Variants in PRKAG2 observed in about 807,000 individuals in gnomAD.
The protein encoded by PRKAG2 is 5'-AMP-activated protein kinase subunit gamma-2.
In PRKAG2, 26 loss-of-function variants were observed where a neutral mutation model predicts 69.6. The ratio of observed to expected loss-of-function variants is 0.37; its 90% CI spans 0.27 to 0.52. PRKAG2 has a LOEUF of 0.52. Ranked by LOEUF, PRKAG2 falls within the 20% of genes least tolerant of loss-of-function variation. The probability of loss-of-function intolerance (pLI) is 0.90; values close to 1 mark genes in which losing one functional copy is unlikely to be tolerated. For missense variants in PRKAG2, 557 were observed against 740.0 expected (o/e 0.75, Z 2.87); for synonymous variants, 293 against 285.0 (o/e 1.03, Z -0.28).
At chr7:151,796,135 C>T (rs1378048851) in intron 1 of PRKAG2, among the ~76,000 whole-genome samples, 1 of 151,984 alleles carries the variant, frequency 6.6e-6, no homozygotes, top group Non-Finnish European at 1.5e-5. Flanking sequence ...CCCTAGGCCC[C>T]CTCACCCGAG....
intron 5 of PRKAG2, among the ~76,000 whole-genome samples, chr7:151,596,020 T>C (rs1563215515): frequency 6.7e-6 from 1 of 149,094 alleles, no homozygotes; most frequent in Non-Finnish European, 1.5e-5. Context: ...ACTAATAAAA[T>C]AAAATAAAAA....
intron 3 of PRKAG2, among the ~76,000 whole-genome samples, chr7:151,767,988 CAGG>C (rs1279705252): frequency 6.6e-6 from 1 of 152,168 alleles, no homozygotes; most frequent in African/African-American, 2.4e-5. Flanking sequence ...TGAGGTAGGG[CAGG>C]AGAAGCAGCA....
chr7:151,628,326 GT>G (rs1823526769), intron 5 of PRKAG2, among the ~76,000 whole-genome samples: 1 of 152,228 alleles, frequency 6.6e-6, no homozygotes, highest in African/African-American at 2.4e-5. Context: ...GTCCTGGCCA[GT>G]AAGTTAGTTC....
At chr7:151,625,563 C>A (rs956243028) in intron 5 of PRKAG2, among the ~76,000 whole-genome samples, 25 of 152,098 alleles carry the variant, frequency 1.6e-4, no homozygotes, top group African/African-American at 5.1e-4. Flanking sequence ...TTGGAGGGGG[C>A]AGAGCAGGTG....
At chr7:151,697,377 G>A (rs188413546) in intron 3 of PRKAG2, among the ~76,000 whole-genome samples, 22 of 152,222 alleles carry the variant, frequency 1.4e-4, no homozygotes, top group Admixed American at 4.6e-4. Context: ...CATTCCCCAG[G>A]GGTGTAGAGA....
At chr7:151,710,399 C>G (rs985656380) in intron 3 of PRKAG2, among the ~76,000 whole-genome samples, 3 of 152,192 alleles carry the variant, frequency 2.0e-5, no homozygotes, top group Admixed American at 1.3e-4. Flanking sequence ...ACAAAAGACT[C>G]CCCTCCCCTT....
At chr7:151,631,326 G>A (rs1052406539) in intron 5 of PRKAG2, among the ~76,000 whole-genome samples, 3 of 152,212 alleles carry the variant, frequency 2.0e-5, no homozygotes, top group African/African-American at 7.2e-5. Flanking sequence ...GTAAGAGCAA[G>A]CTCATCCCGT....
chr7:151,625,186 G>C (rs4726066), intron 5 of PRKAG2, among the ~76,000 whole-genome samples: 1 of 152,128 alleles, frequency 6.6e-6, no homozygotes, highest in Non-Finnish European at 1.5e-5. Context: ...AGTCTTCATC[G>C]GGGCTTCTGG....
chr7:151,857,587 G>A (rs1027127886), intron 1 of PRKAG2, among the ~76,000 whole-genome samples: 11 of 152,120 alleles, frequency 7.2e-5, no homozygotes, highest in Non-Finnish European at 1.3e-4. Context: ...CTTGATGCCC[G>A]GCTGTGCCAC....
intron 3 of PRKAG2, among the ~76,000 whole-genome samples, chr7:151,753,787 A>C (rs1340445202): frequency 2.0e-5 from 3 of 151,928 alleles, no homozygotes; most frequent in Non-Finnish European, 4.4e-5. Context: ...TGATCCCAGC[A>C]CTTTGGGAGG....
intron 4 of PRKAG2, among the ~76,000 whole-genome samples, chr7:151,670,898 G>C (rs55914012): frequency 1.3e-5 from 2 of 148,516 alleles, no homozygotes; most frequent in African/African-American, 2.6e-5. Flanking sequence ...TTGGCCGCGC[G>C]TGGTTGGCTC....
At chr7:151,783,327 CT>C (rs935259125) in intron 2 of PRKAG2, among the ~76,000 whole-genome samples, 26 of 152,094 alleles carry the variant, frequency 1.7e-4, no homozygotes, top group African/African-American at 6.3e-4. Flanking sequence ...TTGAGTTTTT[CT>C]TTTTTTGTGT....
chr7:151,704,841 A>G (rs1838325244), intron 3 of PRKAG2, among the ~76,000 whole-genome samples: 1 of 152,136 alleles, frequency 6.6e-6, no homozygotes, highest in Admixed American at 6.5e-5. Flanking sequence ...GCACAGGGAG[A>G]GCGAGGCTGC....
intron 3 of PRKAG2, among the ~76,000 whole-genome samples, chr7:151,678,181 G>T (rs1375385884): frequency 6.6e-6 from 1 of 152,146 alleles, no homozygotes; most frequent in Non-Finnish European, 1.5e-5. Context: ...TCACTGTCCT[G>T]TATGTTACCA....
chr7:151,693,739 G>A (rs750250993), intron 3 of PRKAG2, among the ~76,000 whole-genome samples: 7 of 152,140 alleles, frequency 4.6e-5, no homozygotes, highest in Admixed American at 2.0e-4. Flanking sequence ...AAGAGGGACC[G>A]CAGAGAGACC....
intron 1 of PRKAG2, among the ~76,000 whole-genome samples, chr7:151,868,709 T>C (rs2080140075): frequency 6.6e-6 from 1 of 152,204 alleles, no homozygotes; most frequent in Non-Finnish European, 1.5e-5. Flanking sequence ...AGCCACATTC[T>C]CACTCGGCTC....
chr7:151,861,373 C>T (rs1586739731), intron 1 of PRKAG2, among the ~76,000 whole-genome samples: 1 of 151,730 alleles, frequency 6.6e-6, no homozygotes. Flanking sequence ...ACTAAAAATA[C>T]AAAACCTGGC....
intron 5 of PRKAG2, among the ~76,000 whole-genome samples, chr7:151,598,541 A>C (rs1815196406): frequency 6.6e-6 from 1 of 152,230 alleles, no homozygotes; most frequent in African/African-American, 2.4e-5. Context: ...GTACTAAAAC[A>C]TCAAACTGTA....
At chr7:151,689,466 C>T (rs1247750517) in intron 3 of PRKAG2, among the ~76,000 whole-genome samples, 1 of 152,222 alleles carries the variant, frequency 6.6e-6, no homozygotes, top group Non-Finnish European at 1.5e-5. Context: ...CTACCTGGCA[C>T]GATGGGGTGT....
Sources: gnomAD v4.1 joint callset for allele counts (sites outside exome capture counted in the v4.1 genomes callset) on GRCh38, gnomAD v4.1.1 for gene constraint, MANE v1.5 for transcripts, NCBI Gene and HGNC (gene_info 2026-07-23, HGNC 2026-07-21) for gene names.